Variants in MCCC2 observed in about 807,000 individuals in gnomAD.
MCCC2 encodes the protein methylcrotonoyl-CoA carboxylase beta chain, mitochondrial.
In MCCC2, 52 loss-of-function variants were observed where a neutral mutation model predicts 77.2. The observed-to-expected ratio is 0.67, with a 90% confidence interval of 0.54 to 0.85. The LOEUF (loss-of-function observed/expected upper bound fraction) is 0.85. Among genes scored for constraint, MCCC2 ranks in the 40% least tolerant of loss-of-function variants. MCCC2 has a pLI of 0.00. For synonymous variants in MCCC2, 253 were observed against 248.4 expected (o/e 1.02, Z -0.18); for missense variants, 682 against 703.2 (o/e 0.97, Z 0.34).
intron 7 of MCCC2, among the ~76,000 whole-genome samples, chr5:71,627,406 A>G (rs1489204992): frequency 6.6e-6 from 1 of 152,188 alleles, no homozygotes; most frequent in Non-Finnish European, 1.5e-5. Context: ...CTTTTTGAGG[A>G]ATCACTTCAT....
chr5:71,653,783 C>T (rs1477151583), intron 16 of MCCC2, among the ~76,000 whole-genome samples: 1 of 147,806 alleles, frequency 6.8e-6, no homozygotes, highest in South Asian at 2.1e-4. Context: ...CCTGGGAGGT[C>T]AAGGCTGCAG....
Position 71,646,295 on chromosome 5 carries a change from TC to T in MCCC2, c.1216+19del, listed in dbSNP as rs1419272899. On this transcript the variant is annotated intron_variant, in intron 13 of 16. Coordinates refer to ENST00000340941, the MANE Select transcript of MCCC2 (RefSeq NM_022132.5). Reference sequence around the variant, plus strand: ...CATTACTGGTAAGAAAATAGCTTAATCAGTTTGGTTGTATTGATTCCAGAGC... The same window carrying T: ...CATTACTGGTAAGAAAATAGCTTAATAGTTTGGTTGTATTGATTCCAGAGC... The T allele has an allele frequency of 1.9e-6, 3 of 1,611,050 alleles. No individual in the cohort carries two copies. The East Asian group carries it at 6.7e-5, about 36-fold the overall frequency.
chr5:71,629,990 A>G (rs1041318075), intron 7 of MCCC2, among the ~76,000 whole-genome samples: 3 of 152,184 alleles, frequency 2.0e-5, no homozygotes, highest in Non-Finnish European at 2.9e-5. Context: ...GGTTTTAGAG[A>G]GAAGATTTTG....
Position 71,650,171 on chromosome 5 carries a change from G to T in MCCC2, c.1476G>T (p.Arg492=), listed in dbSNP as rs201279542. ...LATITKDQRA[R]EGKQFSSADE... is the part of the protein sequence containing the mutation. ...CGATAACAAAGGACCAAAGAGCCCGGGAAGGAAAGCAGGTCGGTGTCGTTT... is the reference window on the plus strand; with the variant it reads ...CGATAACAAAGGACCAAAGAGCCCGTGAAGGAAAGCAGGTCGGTGTCGTTT... The change falls in exon 15 of 17, where the codon CGG becomes CGT. Residue 492 remains arginine, a synonymous_variant. Coordinates refer to ENST00000340941, the MANE Select transcript of MCCC2 (RefSeq NM_022132.5). 7 of 1,614,094 alleles carry T rather than the reference G, an allele frequency of 4.3e-6. 1 individual carries two copies. In the East Asian group the frequency reaches 1.6e-4, roughly 36 times the overall value.
chr5:71,605,889 A>G (rs756906478), intron 6 of MCCC2, among the ~76,000 whole-genome samples: 86 of 152,120 alleles, frequency 5.7e-4, no homozygotes, highest in Non-Finnish European at 1.0e-3. Context: ...AGATGTAGGT[A>G]TGCGGCGTTA....
At chr5:71,605,370 T>C (rs1745629208) in intron 6 of MCCC2, among the ~76,000 whole-genome samples, 1 of 151,858 alleles carries the variant, frequency 6.6e-6, no homozygotes, top group Non-Finnish European at 1.5e-5. Context: ...TTTGGCTGCA[T>C]AAATGTCTTC....
chr5:71,607,344 AT>A (rs1228433640), intron 6 of MCCC2, among the ~76,000 whole-genome samples: 82 of 151,526 alleles, frequency 5.4e-4, no homozygotes, highest in African/African-American at 1.4e-3. Flanking sequence ...TTTCTTCTAG[AT>A]TTTCTAGTTT....
intron 4 of MCCC2, among the ~76,000 whole-genome samples, chr5:71,600,803 A>C (rs546777872): frequency 6.6e-6 from 1 of 151,974 alleles, no homozygotes; most frequent in Non-Finnish European, 1.5e-5. Context: ...GCTGTTTTCT[A>C]CTCCTGGCCC....
chr5:71,614,330 CCTTT>C (rs1030582803), intron 6 of MCCC2, among the ~76,000 whole-genome samples: 4 of 151,918 alleles, frequency 2.6e-5, no homozygotes, highest in African/African-American at 9.7e-5. Context: ...TCATTTATTC[CCTTT>C]CTCTTACTCT....
chr5:71,631,172 A>T (rs1327513381), intron 7 of MCCC2, among the ~76,000 whole-genome samples: 1 of 152,202 alleles, frequency 6.6e-6, no homozygotes, highest in African/African-American at 2.4e-5. Flanking sequence ...GTATTCAAAG[A>T]TGAATAAATC....
intron 5 of MCCC2, 135 bp downstream of exon 5, chr5:71,602,768 C>G (rs1745492137): frequency 6.0e-6 from 8 of 1,329,162 alleles, no homozygotes; most frequent in Non-Finnish European, 6.3e-6. Flanking sequence ...AAAGGAAACA[C>G]AGGTTCTTTG....
chr5:71,638,954 G>C (rs1747027204), intron 10 of MCCC2, among the ~76,000 whole-genome samples: 2 of 152,314 alleles, frequency 1.3e-5, no homozygotes, highest in South Asian at 2.1e-4. Flanking sequence ...TCAGAGTCTT[G>C]AGTGACCAGG....
chr5:71,624,257 C>T (rs1434961091), intron 6 of MCCC2, among the ~76,000 whole-genome samples: 1 of 152,232 alleles, frequency 6.6e-6, no homozygotes, highest in African/African-American at 2.4e-5. Context: ...CTCTGGGGAG[C>T]AGGGCTTCAG....
At chr5:71,598,829 G>T (rs1745305993) in intron 3 of MCCC2, among the ~76,000 whole-genome samples, 1 of 151,946 alleles carries the variant, frequency 6.6e-6, no homozygotes, top group Non-Finnish European at 1.5e-5. Context: ...ACAGTTCTCT[G>T]CAGCCTTGGC....
At chr5:71,624,434 A>G (rs1035108075) in intron 6 of MCCC2, among the ~76,000 whole-genome samples, 6 of 151,182 alleles carry the variant, frequency 4.0e-5, no homozygotes, top group Non-Finnish European at 7.4e-5. Context: ...GTGGAGTGCA[A>G]TGGTGTGATC....
chr5:71,603,884 A>G (rs762786308), intron 5 of MCCC2, among the ~76,000 whole-genome samples: 1 of 152,194 alleles, frequency 6.6e-6, no homozygotes, highest in Admixed American at 6.5e-5. Context: ...AAACACACCT[A>G]TAATCACACA....
rs1275219211 is a variant in MCCC2, at chr5:71,604,381, T to G, written c.537T>G (p.Pro179=). The G allele has an allele frequency of 1.2e-6, 2 of 1,614,030 alleles. No individual in the cohort carries two copies. The highest frequency in any genetic ancestry group is 1.1e-5 in the South Asian group (1 of 91,084). The change falls in exon 6 of 17, where the codon CCT becomes CCG. Residue 179 remains proline, a synonymous_variant. Coordinates refer to ENST00000340941, the MANE Select transcript of MCCC2 (RefSeq NM_022132.5). ...YLVDSGGAYL[P]RQADVFPDRD... is the part of the protein sequence containing the mutation. ...TTGATTCGGGAGGAGCATACTTACC[T>G]CGACAAGCAGATGTGTTTCCAGATC... is the stretch of plus-strand genomic sequence containing the variant.
chr5:71,643,696 A>G, intron 11 of MCCC2, 123 bp from the exon 12 acceptor site: 1 of 1,596,366 alleles, frequency 6.3e-7, no homozygotes. Context: ...TACCATAGAC[A>G]AAATCTCTTT....
chr5:71,639,339 T>C (rs529932627), intron 10 of MCCC2, among the ~76,000 whole-genome samples: 1 of 152,340 alleles, frequency 6.6e-6, no homozygotes, highest in Non-Finnish European at 1.5e-5. Context: ...TAACTTGCTG[T>C]AGCTTCTATA....
Sources: allele counts gnomAD v4.1 joint callset (sites outside exome capture counted in the v4.1 genomes callset), GRCh38; gene constraint gnomAD v4.1.1; transcripts MANE v1.5; gene names NCBI Gene and HGNC (gene_info 2026-07-23, HGNC 2026-07-21).